The following SMARCC1 variants were observed in gnomAD, a reference collection of about 807,000 sequenced individuals.
The protein encoded by SMARCC1 is SWI/SNF complex subunit SMARCC1.
SMARCC1 carries 43 observed loss-of-function variants against 147.4 expected under a neutral mutation model. The observed-to-expected ratio is 0.29, with a 90% CI of 0.23 to 0.38. SMARCC1 has a LOEUF of 0.38. SMARCC1 is among the 10% of genes least tolerant of loss of function. The pLI is 1.00. For synonymous variants in SMARCC1, 495 were observed against 484.4 expected, an observed-to-expected ratio of 1.02 and a Z score of -0.29; for missense variants, 1,119 against 1,381.1, an observed-to-expected ratio of 0.81 and a Z score of 3.01.
intron 14 of SMARCC1, 50 bp from the exon 15 acceptor site, chr3:47,680,558 T>A (rs908165210): frequency 7.7e-7 from 1 of 1,292,868 alleles, no homozygotes. Context: ...TTTTTTTTTT[T>A]TTTTTTTGAG....
chr3:47,599,516 C>T (rs180859268), intron 26 of SMARCC1, among the ~76,000 whole-genome samples: 138 of 152,314 alleles, frequency 9.1e-4, no homozygotes, highest in Non-Finnish European at 1.7e-3. Context: ...GCACTATTAT[C>T]CCTGTGGAAG....
intron 19 of SMARCC1, among the ~76,000 whole-genome samples, chr3:47,668,885 TAAA>T (rs751000969): frequency 2.2e-5 from 3 of 136,488 alleles, no homozygotes; most frequent in African/African-American, 5.4e-5. Flanking sequence ...AACCCTGTCT[TAAA>T]AAAAAAAAAA....
intron 24 of SMARCC1, among the ~76,000 whole-genome samples, chr3:47,633,206 CAAG>C (rs1027620149): frequency 5.3e-5 from 8 of 152,092 alleles, no homozygotes; most frequent in Admixed American, 3.9e-4. Flanking sequence ...AGTTAAAAAG[CAAG>C]AAGATTACAT....
At chr3:47,589,038 G>T (rs1218377477) in intron 27 of SMARCC1, among the ~76,000 whole-genome samples, 1 of 152,160 alleles carries the variant, frequency 6.6e-6, no homozygotes, top group Non-Finnish European at 1.5e-5. Context: ...GAAAACATAT[G>T]AAATAAAGTG....
intron 5 of SMARCC1, among the ~76,000 whole-genome samples, chr3:47,735,662 G>A (rs1473861534): frequency 6.6e-6 from 1 of 152,048 alleles, no homozygotes; most frequent in East Asian, 1.9e-4. Context: ...GCTGAGGCAC[G>A]AGAATCACTT....
At chr3:47,719,999 A>C (rs966309361) in intron 7 of SMARCC1, among the ~76,000 whole-genome samples, 1 of 151,836 alleles carries the variant, frequency 6.6e-6, no homozygotes, top group Non-Finnish European at 1.5e-5. Context: ...GGCCTCTCCA[A>C]GTGCTGCGAT....
chr3:47,774,449 GCT>G (rs2034951683), intron 1 of SMARCC1, among the ~76,000 whole-genome samples: 1 of 151,602 alleles, frequency 6.6e-6, no homozygotes, highest in South Asian at 2.1e-4. Flanking sequence ...TTGGAGTCTC[GCT>G]CTGTCACCCA....
chr3:47,773,805 T>C (rs2034943464), intron 1 of SMARCC1, among the ~76,000 whole-genome samples: 1 of 152,054 alleles, frequency 6.6e-6, no homozygotes, highest in Non-Finnish European at 1.5e-5. Context: ...TAATTTTGTT[T>C]GTATTTTTAG....
intron 25 of SMARCC1, 183 bp from the exon 26 acceptor site, chr3:47,610,510 T>C (rs540627989): frequency 5.9e-5 from 38 of 644,512 alleles, no homozygotes; most frequent in Non-Finnish European, 9.8e-5. Context: ...ATATTTCCAT[T>C]TGGACATCTG....
intron 26 of SMARCC1, chr3:47,604,520 T>C (rs1382176549): frequency 2.9e-5 from 10 of 339,850 alleles, no homozygotes; most frequent in Admixed American, 2.5e-4. Context: ...TACCTTACCC[T>C]GTGGCAACTC....
intron 19 of SMARCC1, 116 bp from the exon 20 acceptor site, chr3:47,662,708 TAG>T: frequency 1.3e-6 from 1 of 795,354 alleles, no homozygotes. Context: ...TATGCATAAA[TAG>T]AAAGATTTGA....
At chr3:47,751,971 C>T (rs554792058) in intron 2 of SMARCC1, among the ~76,000 whole-genome samples, 5 of 152,194 alleles carry the variant, frequency 3.3e-5, no homozygotes, top group East Asian at 1.9e-4. Flanking sequence ...GTGATCCCAG[C>T]TACTCAGGAG....
At chr3:47,736,609 G>A (rs1226034390) in intron 4 of SMARCC1, among the ~76,000 whole-genome samples, 3 of 151,030 alleles carry the variant, frequency 2.0e-5, no homozygotes, top group African/African-American at 7.3e-5. Flanking sequence ...CCGGGAGGTT[G>A]GAGCTTGCAG....
intron 2 of SMARCC1, among the ~76,000 whole-genome samples, chr3:47,756,351 T>C (rs2034697413): frequency 6.6e-6 from 1 of 151,688 alleles, no homozygotes; most frequent in South Asian, 2.1e-4. Flanking sequence ...CTGACCAACA[T>C]GGAGAAACCC....
At chr3:47,601,698 C>CT (rs869165458) in intron 26 of SMARCC1, 7,576 of 138,232 alleles carry the variant, frequency 0.055, 249 homozygotes, top group Non-Finnish European at 0.073. Flanking sequence ...CTTTTTTTTT[C>CT]TTTTTTTTTT....
At chr3:47,771,956 C>T (rs1182728636) in intron 2 of SMARCC1, among the ~76,000 whole-genome samples, 1 of 151,872 alleles carries the variant, frequency 6.6e-6, no homozygotes, top group African/African-American at 2.4e-5. Flanking sequence ...GTGGCGCGCA[C>T]CTGTAATCCT....
At chr3:47,711,769 A>G (rs2034086932) in intron 8 of SMARCC1, among the ~76,000 whole-genome samples, 1 of 152,180 alleles carries the variant, frequency 6.6e-6, no homozygotes, top group South Asian at 2.1e-4. Context: ...ATCTGACTAC[A>G]CGCCTCCTCT....
At chr3:47,670,393 TG>T in intron 19 of SMARCC1, 1 of 447,852 alleles carries the variant, frequency 2.2e-6, no homozygotes, top group Non-Finnish European at 4.0e-6. Context: ...GAGACCAGCC[TG>T]GACAACATGG....
intron 26 of SMARCC1, among the ~76,000 whole-genome samples, chr3:47,593,959 G>A (rs910730097): frequency 3.9e-5 from 6 of 152,296 alleles, no homozygotes; most frequent in Admixed American, 3.9e-4. Context: ...GAGGTCAGGA[G>A]TTCGTGACCA....
Sources: gnomAD v4.1 joint callset for allele counts (sites outside exome capture counted in the v4.1 genomes callset) on GRCh38, gnomAD v4.1.1 for gene constraint, MANE v1.5 for transcripts, NCBI Gene and HGNC (gene_info 2026-07-23, HGNC 2026-07-21) for gene names.